TSPAN18: variants seen among roughly 807,000 people sequenced by gnomAD.
TSPAN18 encodes the protein tetraspanin-18.
TSPAN18 carries 14 observed loss-of-function variants against 27.3 expected under a neutral mutation model. The observed-to-expected ratio is 0.51, with a 90% CI of 0.34 to 0.80. TSPAN18 has a LOEUF of 0.80. Among genes scored for constraint, TSPAN18 ranks in the 30% least tolerant of loss-of-function variants. TSPAN18 has a pLI of 0.01. For synonymous variants in TSPAN18, 143 were observed against 136.5 expected (o/e 1.05, Z -0.33); for missense variants, 268 against 323.9 (o/e 0.83, Z 1.32).
chr11:44,734,805 C>T (rs1254393798), intron 1 of TSPAN18, among the ~76,000 whole-genome samples: 1 of 152,228 alleles, frequency 6.6e-6, no homozygotes, highest in Non-Finnish European at 1.5e-5. Flanking sequence ...GTTGCTGCCT[C>T]TCCTTCTGGG....
chr11:44,908,766 A>C (rs1053914883), intron 4 of TSPAN18, among the ~76,000 whole-genome samples: 1 of 66,158 alleles, frequency 1.5e-5, no homozygotes, highest in Non-Finnish European at 2.9e-5. Context: ...GAGAGAGAGA[A>C]AGGAGAAAGA....
chr11:44,745,596 G>A (rs1007261878), intron 1 of TSPAN18, among the ~76,000 whole-genome samples: 3 of 152,224 alleles, frequency 2.0e-5, no homozygotes, highest in Non-Finnish European at 4.4e-5. Context: ...ACTTCTGGGT[G>A]CTGGTGTGTT....
At chr11:44,819,432 T>G (rs1256384023) in intron 2 of TSPAN18, among the ~76,000 whole-genome samples, 4 of 152,198 alleles carry the variant, frequency 2.6e-5, no homozygotes, top group Middle Eastern at 3.2e-3. Context: ...GGAGGTGGAC[T>G]GTGCGCATGT....
intron 2 of TSPAN18, among the ~76,000 whole-genome samples, chr11:44,846,853 C>T (rs1857496073): frequency 6.6e-6 from 1 of 152,106 alleles, no homozygotes; most frequent in African/African-American, 2.4e-5. Context: ...AGTGGCAGGT[C>T]CCCGCTCTTC....
At chr11:44,757,815 T>A (rs991235916) in intron 1 of TSPAN18, among the ~76,000 whole-genome samples, 3 of 152,252 alleles carry the variant, frequency 2.0e-5, no homozygotes, top group Non-Finnish European at 2.9e-5. Flanking sequence ...ATTTTTTAAT[T>A]GGGTTTTTTT....
chr11:44,846,402 C>T (rs1857482283), intron 2 of TSPAN18, among the ~76,000 whole-genome samples: 1 of 152,210 alleles, frequency 6.6e-6, no homozygotes, highest in Non-Finnish European at 1.5e-5. Context: ...CAGGCCTGTG[C>T]AGTGATGGGG....
chr11:44,816,620 C>G (rs968512057), intron 2 of TSPAN18, among the ~76,000 whole-genome samples: 3 of 152,056 alleles, frequency 2.0e-5, no homozygotes, highest in African/African-American at 7.2e-5. Flanking sequence ...GAGACTGCAC[C>G]CTGAGAATTG....
chr11:44,735,383 C>G (rs1854767284), intron 1 of TSPAN18, among the ~76,000 whole-genome samples: 1 of 152,246 alleles, frequency 6.6e-6, no homozygotes, highest in African/African-American at 2.4e-5. Flanking sequence ...TCTCACAGTT[C>G]TGGAAGCTAA....
intron 5 of TSPAN18, among the ~76,000 whole-genome samples, chr11:44,911,032 C>T (rs1017430650): frequency 3.3e-5 from 5 of 152,182 alleles, no homozygotes; most frequent in African/African-American, 9.7e-5. Context: ...TGGGTGGTGG[C>T]GCTTGGGGCC....
chr11:44,903,565 G>A, intron 3 of TSPAN18: 1 of 456,460 alleles, frequency 2.2e-6, no homozygotes. Flanking sequence ...TGAAGGGGAG[G>A]TAGGGAGGCC....
chr11:44,852,097 C>G (rs835805), intron 2 of TSPAN18, among the ~76,000 whole-genome samples: 12 of 152,004 alleles, frequency 7.9e-5, no homozygotes, highest in Non-Finnish European at 1.6e-4. Context: ...CTGCCTTCTA[C>G]TGTAATGTCT....
intron 3 of TSPAN18, chr11:44,886,233 A>G (rs980389379): frequency 1.3e-5 from 2 of 152,158 alleles, no homozygotes; most frequent in Non-Finnish European, 2.9e-5. Flanking sequence ...GCAGGAGGAG[A>G]CGTGACACAA....
At chr11:44,878,345 G>C (rs1565188336) in intron 3 of TSPAN18, among the ~76,000 whole-genome samples, 1 of 152,206 alleles carries the variant, frequency 6.6e-6, no homozygotes, top group African/African-American at 2.4e-5. Flanking sequence ...CCCTCTGGAC[G>C]CTGTAGAGAT....
chr11:44,915,929 C>T (rs755115855), intron 5 of TSPAN18, among the ~76,000 whole-genome samples: 1 of 152,176 alleles, frequency 6.6e-6, no homozygotes, highest in Admixed American at 6.5e-5. Context: ...CCAGTGAGAC[C>T]TCAGGGGCTC....
chr11:44,849,543 G>T lies in TSPAN18; in HGVS notation c.-152-10785G>T, dbSNP rs1275030616. On this transcript the variant is annotated intron_variant, in intron 2 of 9. Transcript: ENST00000520358. ...CAGTGGCTACGGGCTAGGCCTGGGG[G>T]TGCAGATGGGGGTGTGGCCTCCCAG... Among the ~76,000 whole-genome samples the T allele has an allele frequency of 6.6e-5, 10 of 152,188 alleles. No individual in the cohort carries two copies. In the East Asian group the frequency reaches 1.9e-3, roughly 29 times the overall value.
At chr11:44,757,484 A>G (rs915566370) in intron 1 of TSPAN18, among the ~76,000 whole-genome samples, 7 of 152,170 alleles carry the variant, frequency 4.6e-5, no homozygotes, top group Admixed American at 4.6e-4. Flanking sequence ...CTCATACTTA[A>G]GTGATCATCT....
At chr11:44,757,492 T>C (rs1342705939) in intron 1 of TSPAN18, among the ~76,000 whole-genome samples, 1 of 152,148 alleles carries the variant, frequency 6.6e-6, no homozygotes, top group Non-Finnish European at 1.5e-5. Context: ...TAAGTGATCA[T>C]CTTGCCTCAG....
chr11:44,806,244 A>G (rs1294677029), intron 2 of TSPAN18, among the ~76,000 whole-genome samples: 2 of 152,124 alleles, frequency 1.3e-5, no homozygotes, highest in Admixed American at 6.5e-5. Flanking sequence ...CATGTTGGCC[A>G]GGCCGCTCTC....
At chr11:44,761,462 C>T (rs1240319689) in intron 1 of TSPAN18, among the ~76,000 whole-genome samples, 1 of 152,248 alleles carries the variant, frequency 6.6e-6, no homozygotes, top group Non-Finnish European at 1.5e-5. Context: ...GTTTCCCTCA[C>T]ACAATGCAGA....
Sources: allele counts gnomAD v4.1 joint callset (sites outside exome capture counted in the v4.1 genomes callset), GRCh38; gene constraint gnomAD v4.1.1; transcripts MANE v1.5; gene names NCBI Gene and HGNC (gene_info 2026-07-23, HGNC 2026-07-21).